The following MYH10 variants were observed in gnomAD, a reference collection of about 807,000 sequenced individuals.
MYH10 encodes myosin-10.
Under a neutral mutation model 257.8 loss-of-function variants are expected in MYH10, and 55 were observed. That is an observed-to-expected ratio of 0.21 (90% CI 0.17 to 0.27). The LOEUF (loss-of-function observed/expected upper bound fraction) is 0.27. Ranked by LOEUF, MYH10 falls within the 10% of genes least tolerant of loss-of-function variation. MYH10 has a pLI of 1.00. For synonymous variants in MYH10, 854 were observed against 921.7 expected (o/e 0.93, Z 1.33); for missense variants, 1,631 against 2,500.6 (o/e 0.65, Z 7.42).
At chr17:8,539,119 G>C (rs891212946) in intron 14 of MYH10, among the ~76,000 whole-genome samples, 2 of 152,098 alleles carry the variant, frequency 1.3e-5, no homozygotes, top group Non-Finnish European at 2.9e-5. Flanking sequence ...CCACCAGCAA[G>C]AATACCCTCA....
chr17:8,505,674 C>T (rs893984003), intron 27 of MYH10, among the ~76,000 whole-genome samples: 19 of 152,244 alleles, frequency 1.2e-4, no homozygotes, highest in Admixed American at 1.1e-3. Flanking sequence ...AAGTGATTTC[C>T]CTTCAAGTTC....
chr17:8,530,272 A>C (rs1760171274), intron 17 of MYH10, among the ~76,000 whole-genome samples: 1 of 152,222 alleles, frequency 6.6e-6, no homozygotes, highest in Non-Finnish European at 1.5e-5. Flanking sequence ...TCAGTTCTTA[A>C]CAATTTCCTT....
At chr17:8,577,363 T>C in intron 4 of MYH10, 25 bp from the exon 5 acceptor site, 5 of 1,543,112 alleles carry the variant, frequency 3.2e-6, no homozygotes, top group Non-Finnish European at 3.6e-6. Context: ...TAATATAGGC[T>C]GCTTTAACGA....
intron 24 of MYH10, among the ~76,000 whole-genome samples, chr17:8,510,807 A>G (rs1476083454): frequency 6.6e-6 from 1 of 152,104 alleles, no homozygotes; most frequent in Non-Finnish European, 1.5e-5. Flanking sequence ...TCTCAGTTCA[A>G]GTGTACCTTT....
At chr17:8,547,597 G>A (rs913239806) in intron 11 of MYH10, among the ~76,000 whole-genome samples, 5 of 151,758 alleles carry the variant, frequency 3.3e-5, no homozygotes, top group African/African-American at 9.7e-5. Flanking sequence ...GCCTTCACCC[G>A]CCACAGTGGA....
Position 8,560,538 on chromosome 17 carries a change from C to T in MYH10, c.757-6520G>A, listed in dbSNP as rs571827004. On this transcript the variant is annotated intron_variant, in intron 7 of 42. Transcript: ENST00000360416. ...ACTCCTTTGGCCCATGCAGCTCCTT[C>T]GAGCTGTTTGCCGACAAAGTTCCAA... 122 of 666,752 alleles carry T rather than the reference C, an allele frequency of 1.8e-4. 1 individual carries two copies. The highest frequency in any genetic ancestry group is 3.9e-5 in the Non-Finnish European group (15 of 382,694). The allele number at this position is 666,752 out of a possible 1,614,324, so 41.3% of individuals were successfully genotyped here.
intron 17 of MYH10, among the ~76,000 whole-genome samples, chr17:8,526,003 G>T (rs943389346): frequency 1.3e-5 from 2 of 152,160 alleles, no homozygotes; most frequent in African/African-American, 4.8e-5. Context: ...ATATTGGCCA[G>T]GCTGGTCTCG....
chr17:8,527,772 A>G (rs1162535500), intron 17 of MYH10, among the ~76,000 whole-genome samples: 1 of 152,126 alleles, frequency 6.6e-6, no homozygotes, highest in Non-Finnish European at 1.5e-5. Flanking sequence ...TGCTGTCCGC[A>G]CTTGTCCTCA....
intron 2 of MYH10, among the ~76,000 whole-genome samples, chr17:8,610,441 AAAAAATAAAT>A (rs529335937): frequency 1.6e-4 from 24 of 151,512 alleles, no homozygotes; most frequent in Non-Finnish European, 2.6e-4. Context: ...AAAAAAAAAT[AAAAAATAAAT>A]AAAAATAAAT....
intron 2 of MYH10, among the ~76,000 whole-genome samples, chr17:8,607,104 TTTATA>T (rs1181020558): frequency 1.3e-5 from 2 of 152,244 alleles, no homozygotes; most frequent in Non-Finnish European, 2.9e-5. Context: ...AGGAGTTTAA[TTTATA>T]TAACGTTAAC....
intron 21 of MYH10, among the ~76,000 whole-genome samples, chr17:8,517,369 C>T (rs945032166): frequency 8.5e-5 from 13 of 152,164 alleles, no homozygotes; most frequent in Non-Finnish European, 1.3e-4. Context: ...GAGCTGTTTT[C>T]CAACCCACAT....
At chr17:8,553,073 GTA>G (rs2082689642) in intron 8 of MYH10, among the ~76,000 whole-genome samples, 1 of 152,168 alleles carries the variant, frequency 6.6e-6, no homozygotes, top group Non-Finnish European at 1.5e-5. Context: ...AATTAATTCT[GTA>G]TGTGTCAGAT....
chr17:8,521,908 C>CA (rs1250403813), intron 17 of MYH10, among the ~76,000 whole-genome samples: 1 of 152,140 alleles, frequency 6.6e-6, no homozygotes, highest in African/African-American at 2.4e-5. Flanking sequence ...GGCAAGAACA[C>CA]AAAATAGGAA....
chr17:8,602,571 C>T lies in MYH10; in HGVS notation c.502+2255G>A, dbSNP rs551527394. Reference sequence around the variant, plus strand: ...TGTGTAGTAGATCAGCAGGTAGCCCCCTACTTACAAAATCAAATACAAAGG... The same window carrying T: ...TGTGTAGTAGATCAGCAGGTAGCCCTCTACTTACAAAATCAAATACAAAGG... On this transcript the variant is annotated intron_variant, in intron 3 of 42. Transcript: ENST00000360416. Among the ~76,000 whole-genome samples, 8 of 152,270 alleles carry T rather than the reference C, an allele frequency of 5.3e-5. No individual in the cohort carries two copies. In the South Asian group the frequency reaches 1.7e-3, roughly 32 times the overall value.
At position 8,545,306 on chromosome 17, in the gene MYH10, G is replaced by T; in HGVS notation, c.1431+142C>A. ...AGACCTGCGGATTCACTGATTATTTGCCATTTATTGTTTGGCTCTACTAGA... is the reference window on the plus strand; with the variant it reads ...AGACCTGCGGATTCACTGATTATTTTCCATTTATTGTTTGGCTCTACTAGA... On this transcript the variant is annotated intron_variant, in intron 13 of 42. Transcript: ENST00000360416. The surrounding 1 kb of genome is among the most constrained non-coding windows in gnomAD (Gnocchi z 4.7). The T allele has an allele frequency of 1.1e-6, 1 of 877,598 alleles. No homozygotes were observed. The highest frequency in any genetic ancestry group is 1.7e-6 in the Non-Finnish European group (1 of 577,976). The allele number at this position is 877,598 out of a possible 1,614,324, so 54.4% of individuals were successfully genotyped here.
At position 8,487,394 on chromosome 17, in the gene MYH10, G is replaced by A. The variant is rs375806491; in HGVS notation, c.5046+39C>T. On this transcript the variant is annotated intron_variant, in intron 36 of 42. Coordinates refer to ENST00000360416, the MANE Select transcript of MYH10 (RefSeq NM_001256012.3). ...TCTGTGTAAAAGCCACATAGGTCAC[G>A]TGGTGCCATCCAGAGACTCCATGGG... is the stretch of plus-strand genomic sequence containing the variant. The A allele has an allele frequency of 2.2e-4, 351 of 1,611,410 alleles. 1 individual carries two copies. In the African/African-American group the frequency reaches 3.5e-3, roughly 16 times the overall value.
intron 4 of MYH10, among the ~76,000 whole-genome samples, chr17:8,578,731 GA>G (rs1428223997): frequency 1.3e-5 from 2 of 152,076 alleles, no homozygotes; most frequent in African/African-American, 4.8e-5. Flanking sequence ...AGCGAGACCT[GA>G]ATTACGGCCT....
intron 31 of MYH10, among the ~76,000 whole-genome samples, chr17:8,494,922 G>A (rs1219783755): frequency 6.6e-6 from 1 of 152,192 alleles, no homozygotes; most frequent in Non-Finnish European, 1.5e-5. Flanking sequence ...GGCCACCCAC[G>A]TGCCTGCCAG....
At chr17:8,578,615 C>T (rs1366670967) in intron 4 of MYH10, among the ~76,000 whole-genome samples, 1 of 152,064 alleles carries the variant, frequency 6.6e-6, no homozygotes, top group African/African-American at 2.4e-5. Flanking sequence ...AGGACAAATG[C>T]CACCATTTTA....
Sources: allele counts gnomAD v4.1 joint callset (sites outside exome capture counted in the v4.1 genomes callset), GRCh38; gene constraint gnomAD v4.1.1; non-coding constraint Gnocchi (gnomAD v3.1); transcripts MANE v1.5; gene names NCBI Gene and HGNC (gene_info 2026-07-23, HGNC 2026-07-21).